Variants in C6orf89 observed in about 807,000 individuals in gnomAD.
The protein encoded by C6orf89 is bombesin receptor-activated protein C6orf89.
A neutral mutation model predicts 40.7 loss-of-function variants in C6orf89; 29 were observed. The ratio of observed to expected loss-of-function variants is 0.71; its 90% CI spans 0.53 to 0.97. C6orf89 has a LOEUF of 0.97. Among genes scored for constraint, C6orf89 ranks in the 50% least tolerant of loss-of-function variants. The pLI, the probability that C6orf89 is intolerant of heterozygous loss-of-function variation, is 0.00. For missense variants in C6orf89, 392 were observed against 429.1 expected, an observed-to-expected ratio of 0.91 and a Z score of 0.76; for synonymous variants, 165 against 152.2, an observed-to-expected ratio of 1.08 and a Z score of -0.62.
At chr6:36,890,862 G>A (rs777355146) in intron 1 of C6orf89, among the ~76,000 whole-genome samples, 1 of 152,032 alleles carries the variant, frequency 6.6e-6, no homozygotes, top group South Asian at 2.1e-4. Context: ...TAAATTTTAA[G>A]CATTTATTGT....
chr6:36,902,952 A>G (rs1166007468), intron 4 of C6orf89, among the ~76,000 whole-genome samples: 1 of 152,216 alleles, frequency 6.6e-6, no homozygotes, highest in Non-Finnish European at 1.5e-5. Context: ...TCTAAAGTAT[A>G]TCAATTTTGC....
Position 36,923,911 on chromosome 6 carries a change from T to C in C6orf89, c.*470T>C. Reference sequence around the variant, plus strand: ...ACTCTACTTTTTGGAAGGCCATGGCTGATTAAAGAAGTTCTTGTAGTTTCC... The same window carrying C: ...ACTCTACTTTTTGGAAGGCCATGGCCGATTAAAGAAGTTCTTGTAGTTTCC... On this transcript the variant is annotated 3_prime_UTR_variant, in exon 9 of 9. Coordinates refer to ENST00000480824, the MANE Select transcript of C6orf89 (RefSeq NM_001286635.2). The C allele has an allele frequency of 4.5e-6, 1 of 220,600 alleles. No individual in the cohort carries two copies. Among genetic ancestry groups the C allele is most frequent in the South Asian group, 6.6e-5 (1 of 15,176 alleles). 13.7% of individuals were successfully genotyped at this position (220,600 alleles called of 1,614,324 possible).
chr6:36,877,914 T>C (rs1774703393), intron 1 of C6orf89, among the ~76,000 whole-genome samples: 1 of 152,250 alleles, frequency 6.6e-6, no homozygotes, highest in African/African-American at 2.4e-5. Flanking sequence ...TCCTTATATA[T>C]CCTGGACAGA....
At chr6:36,896,635 C>A (rs2150687018) in intron 2 of C6orf89, among the ~76,000 whole-genome samples, 1 of 152,178 alleles carries the variant, frequency 6.6e-6, no homozygotes, top group African/African-American at 2.4e-5. Flanking sequence ...CTCCTCTTGT[C>A]TTCTACAAAA....
At chr6:36,899,373 A>G in intron 2 of C6orf89, 53 bp from the exon 3 acceptor site, 3 of 1,545,472 alleles carry the variant, frequency 1.9e-6, no homozygotes, top group Non-Finnish European at 2.7e-6. Context: ...AAGAGGAAGT[A>G]CCTAAAGAAA....
intron 4 of C6orf89, among the ~76,000 whole-genome samples, chr6:36,911,429 G>A (rs1350880376): frequency 1.3e-5 from 2 of 152,052 alleles, no homozygotes; most frequent in South Asian, 2.1e-4. Flanking sequence ...GGCGGAGGTT[G>A]CAGTGAGCCG....
At chr6:36,916,724 T>A in intron 7 of C6orf89, 150 bp downstream of exon 7, 1 of 913,762 alleles carries the variant, frequency 1.1e-6, no homozygotes, top group Non-Finnish European at 1.6e-6. Flanking sequence ...CCCCTCCTGC[T>A]GCTAGCCAGG....
chr6:36,891,801 A>C (rs983021041), intron 1 of C6orf89, among the ~76,000 whole-genome samples: 1 of 152,184 alleles, frequency 6.6e-6, no homozygotes, highest in Non-Finnish European at 1.5e-5. Flanking sequence ...TGGACTTTTG[A>C]AACTTTCTTT....
At chr6:36,881,670 A>G (rs1224746502), upstream of C6orf89, among the ~76,000 whole-genome samples, 1 of 152,172 alleles carries the variant, frequency 6.6e-6, no homozygotes, top group Non-Finnish European at 1.5e-5. Flanking sequence ...GTGAAACTCC[A>G]TCTCGAAAAA....
chr6:36,924,411 A>C lies in C6orf89; in HGVS notation c.*970A>C, dbSNP rs189125748. On this transcript the variant is annotated 3_prime_UTR_variant, in exon 9 of 9. Coordinates refer to ENST00000480824, the MANE Select transcript of C6orf89 (RefSeq NM_001286635.2). ...GCTGATGTAATGTGGTTGGGGGAGG[A>C]AATCCAGACCCAAAGTGTTTGTCAG... 3 of 152,370 alleles carry C rather than the reference A, an allele frequency of 2.0e-5. No individual in the cohort carries two copies. The highest frequency in any genetic ancestry group is 2.0e-4 in the Admixed American group (3 of 15,298). The allele number at this position is 152,370 out of a possible 1,614,324, so 9.4% of individuals were successfully genotyped here. A position where few individuals can be genotyped will look rare whatever the true frequency, so the allele number is the denominator to read the frequency against.
chr6:36,921,763 C>T (rs1342457033), intron 8 of C6orf89, among the ~76,000 whole-genome samples: 2 of 152,110 alleles, frequency 1.3e-5, no homozygotes, highest in Non-Finnish European at 2.9e-5. Context: ...CAGGGTAGCT[C>T]ACACCTATAA....
intron 4 of C6orf89, among the ~76,000 whole-genome samples, chr6:36,903,767 G>A (rs1208600999): frequency 6.6e-6 from 1 of 152,134 alleles, no homozygotes; most frequent in Non-Finnish European, 1.5e-5. Flanking sequence ...TATACTTGAG[G>A]AAGTCATGGA....
At chr6:36,878,810 A>G (rs1242945933) in intron 1 of C6orf89, among the ~76,000 whole-genome samples, 1 of 152,192 alleles carries the variant, frequency 6.6e-6, no homozygotes, top group African/African-American at 2.4e-5. Context: ...GCTTTAACCA[A>G]TCTCGCTGTT....
rs1408790414 is a variant in C6orf89 at position 36,901,318 on chromosome 6, A to AT, written c.190-901dup. On this transcript the variant is annotated intron_variant, in intron 3 of 8. Transcript: ENST00000480824. ...TATTATTATTATTATTATTATTATT[A>AT]TTATTTTTTTTTTTTTTTTTTTTTT... 3.1e-3 allele frequency among the ~76,000 whole-genome samples: 201 copies of AT among 64,760 alleles called. 1 individual carries two copies. Among genetic ancestry groups the AT allele is most frequent in the Non-Finnish European group, 4.4e-3 (147 of 33,166 alleles). The allele number at this position is 64,760 out of a possible 152,430, so 42.5% of individuals were successfully genotyped here.
chr6:36,885,007 A>G (rs905038731), upstream of C6orf89, among the ~76,000 whole-genome samples: 1 of 152,208 alleles, frequency 6.6e-6, no homozygotes. Flanking sequence ...AATAACATCA[A>G]TGACCAAGGT....
intron 1 of C6orf89, among the ~76,000 whole-genome samples, chr6:36,887,759 C>T (rs1056813452): frequency 6.6e-6 from 1 of 152,186 alleles, no homozygotes; most frequent in Non-Finnish European, 1.5e-5. Context: ...CATTCCATCA[C>T]CCAGGTTGGA....
intron 2 of C6orf89, among the ~76,000 whole-genome samples, chr6:36,897,517 T>TG (rs974716870): frequency 3.1e-4 from 47 of 152,234 alleles, no homozygotes; most frequent in African/African-American, 1.1e-3. Flanking sequence ...TATCTGAATG[T>TG]GGGGGGTATA....
rs1283221282 is a variant in C6orf89 at position 36,928,551 on chromosome 6, T to G, written c.*5110T>G. On this transcript the variant is annotated 3_prime_UTR_variant, in exon 9 of 9. Coordinates refer to ENST00000480824, the MANE Select transcript of C6orf89 (RefSeq NM_001286635.2). ...TATCCAGACAGGCTTCCCTCCATAC[T>G]TCTTTCCACAGTTTTACCCTCAGAA... 1 of 152,420 alleles carries G rather than the reference T, an allele frequency of 6.6e-6. No individual in the cohort carries two copies. Among genetic ancestry groups the G allele is most frequent in the African/African-American group, 2.4e-5 (1 of 41,446 alleles). 9.4% of individuals were successfully genotyped at this position (152,420 alleles called of 1,614,324 possible).
At chr6:36,917,227 T>C (rs1561875649) in intron 7 of C6orf89, among the ~76,000 whole-genome samples, 1 of 152,042 alleles carries the variant, frequency 6.6e-6, no homozygotes, top group Non-Finnish European at 1.5e-5. Context: ...ATTAAGAGAT[T>C]TCAGGTAGAG....
Sources: gnomAD v4.1 joint callset for allele counts (sites outside exome capture counted in the v4.1 genomes callset) on GRCh38, gnomAD v4.1.1 for gene constraint, MANE v1.5 for transcripts, NCBI Gene and HGNC (gene_info 2026-07-23, HGNC 2026-07-21) for gene names.